The following P4HA2 variants were observed in gnomAD, a reference collection of about 807,000 sequenced individuals.
P4HA2 encodes the protein prolyl 4-hydroxylase subunit alpha 2.
In P4HA2, 46 loss-of-function variants were observed where a neutral mutation model predicts 76.9. The ratio of observed to expected loss-of-function variants is 0.60; its 90% confidence interval spans 0.47 to 0.76. The LOEUF (loss-of-function observed/expected upper bound fraction) is 0.76. Among genes scored for constraint, P4HA2 ranks in the 30% least tolerant of loss-of-function variants. The probability of loss-of-function intolerance (pLI) is 0.00; values close to 1 mark genes in which losing one functional copy is unlikely to be tolerated. For missense variants in P4HA2, 583 were observed against 669.4 expected, an observed-to-expected ratio of 0.87 and a Z score of 1.42; for synonymous variants, 243 against 254.0, an observed-to-expected ratio of 0.96 and a Z score of 0.41.
Position 132,209,144 on chromosome 5 carries a change from G to T in P4HA2, c.897C>A (p.Val299=). 6.2e-7 allele frequency: 1 copy of T among 1,611,946 alleles called. No homozygotes were observed. The highest frequency in any genetic ancestry group is 8.5e-7 in the Non-Finnish European group (1 of 1,178,948). The change falls in exon 7 of 15, where the codon GTC becomes GTA. Residue 299 remains valine, a synonymous_variant. Coordinates refer to ENST00000360568, the MANE Select transcript of P4HA2 (RefSeq NM_001017974.2). ...GCCCCCTCACACATCTCACCAGTTT[G>T]ACACCCTCCCCACGACAGAGGCTCT... ...VYESLCRGEG[V]KLTPRRQKRL...
chr5:132,211,088 C>T (rs1303973390), intron 5 of P4HA2, among the ~76,000 whole-genome samples: 5 of 151,968 alleles, frequency 3.3e-5, no homozygotes, highest in South Asian at 2.1e-4. Flanking sequence ...ACAGAGGGAG[C>T]GGGAGTGGTG....
chr5:132,191,506 C>T lies in P4HA2; in HGVS notation c.*1504G>A, dbSNP rs1395093270. Among the ~76,000 whole-genome samples, 4 of 129,360 alleles carry T rather than the reference C, an allele frequency of 3.1e-5. No individual in the cohort carries two copies. The highest frequency in any genetic ancestry group is 4.7e-5 in the Non-Finnish European group (3 of 63,810). The allele number at this position is 129,360 out of a possible 152,430, so 84.9% of individuals were successfully genotyped here. Reference sequence around the variant, plus strand: ...CAGCCTGGGCGACAGAGCGAGACTCCGTCTCAAAAAAAAAAAAAAAAAAAA... The same window carrying T: ...CAGCCTGGGCGACAGAGCGAGACTCTGTCTCAAAAAAAAAAAAAAAAAAAA... On this transcript the variant is annotated 3_prime_UTR_variant, in exon 15 of 15. Coordinates refer to ENST00000360568, the MANE Select transcript of P4HA2 (RefSeq NM_001017974.2).
Position 132,191,877 on chromosome 5 carries a change from T to G in P4HA2, c.*1133A>C, listed in dbSNP as rs1234949005. ...GTGTTTATCAGCAGCATGCTGCCTGTATTATGGTACAGTCCTACAATAAGC... is the reference window on the plus strand; with the variant it reads ...GTGTTTATCAGCAGCATGCTGCCTGGATTATGGTACAGTCCTACAATAAGC... On this transcript the variant is annotated 3_prime_UTR_variant, in exon 15 of 15. Transcript: ENST00000360568. The G allele has an allele frequency of 2.0e-5, 3 of 152,236 alleles. No homozygotes were observed. The highest frequency in any genetic ancestry group is 7.2e-5 in the African/African-American group (3 of 41,460). 9.4% of individuals were successfully genotyped at this position (152,236 alleles called of 1,614,324 possible).
intron 5 of P4HA2, 90 bp downstream of exon 5, chr5:132,213,826 G>T: frequency 1.5e-6 from 2 of 1,310,354 alleles, no homozygotes; most frequent in East Asian, 2.3e-5. Flanking sequence ...TGCACCCGAG[G>T]TTAAAGGCCA....
intron 10 of P4HA2, 122 bp from the exon 11 acceptor site, chr5:132,199,054 C>T (rs1019159510): frequency 1.7e-5 from 12 of 696,760 alleles, no homozygotes; most frequent in Non-Finnish European, 2.3e-5. Context: ...AGCAGCCTCT[C>T]TAAGGTGGAA....
chr5:132,203,798 G>C lies in P4HA2; in HGVS notation c.1201C>G (p.Arg401Gly), dbSNP rs202073046. ...GTTAACCCTGTGATATGCTGCATCC[G>C]ACGATTTACTCGGGCCACAACAGGG... ...DDPVVARVNR[R>G]MQHITGLTVK... Residue 401 changes from arginine to glycine, a missense_variant, in exon 10 of 15, where the codon CGG becomes GGG. Transcript: ENST00000360568. 1 of 1,613,774 alleles carries C rather than the reference G, an allele frequency of 6.2e-7. No homozygotes were observed. The highest frequency in any genetic ancestry group is 2.2e-5 in the East Asian group (1 of 44,884).
At chr5:132,202,257 G>C (rs1751599195) in intron 10 of P4HA2, 1 of 152,124 alleles carries the variant, frequency 6.6e-6, no homozygotes, top group African/African-American at 2.4e-5. Context: ...AAGGTAATCA[G>C]TATGCTTTTT....
chr5:132,204,004 C>A, intron 9 of P4HA2, 78 bp downstream of exon 9: 1 of 1,306,564 alleles, frequency 7.7e-7, no homozygotes, highest in South Asian at 1.2e-5. Flanking sequence ...AAAAGGCAAG[C>A]CACCCATCCC....
Position 132,198,388 on chromosome 5 carries a change from A to G in P4HA2, c.1306-8T>C. 1 of 1,612,796 alleles carries G rather than the reference A, an allele frequency of 6.2e-7. No individual in the cohort carries two copies. Among genetic ancestry groups the G allele is most frequent in the Non-Finnish European group, 8.5e-7 (1 of 1,179,934 alleles). ...GCCGCTGTCAAAAGGTCGCTGCAAC[A>G]GACAACAACTTTCACCCAAGTTTAC... On this transcript the variant is annotated splice_polypyrimidine_tract_variant and splice_region_variant and intron_variant, in intron 11 of 14. Transcript: ENST00000360568.
chr5:132,197,604 T>A, intron 12 of P4HA2, among the ~76,000 whole-genome samples: 1 of 96,418 alleles, frequency 1.0e-5, no homozygotes, highest in South Asian at 3.3e-4. Flanking sequence ...CAAGACTCCA[T>A]CTCCAAAAAA....
At chr5:132,224,868 C>A (rs1443637504) in intron 1 of P4HA2, among the ~76,000 whole-genome samples, 1 of 152,086 alleles carries the variant, frequency 6.6e-6, no homozygotes. Context: ...TAAGCAAGCA[C>A]TTCCTGAAAG....
At position 132,192,939 on chromosome 5, in the gene P4HA2, G is replaced by A. The variant is rs1361910706; in HGVS notation, c.*71C>T. 5 of 978,196 alleles carry A rather than the reference G, an allele frequency of 5.1e-6. No homozygotes were observed. In the East Asian group the frequency reaches 1.2e-4, roughly 23 times the overall value. 60.6% of individuals were successfully genotyped at this position (978,196 alleles called of 1,614,324 possible). On this transcript the variant is annotated 3_prime_UTR_variant, in exon 15 of 15. Coordinates refer to ENST00000360568, the MANE Select transcript of P4HA2 (RefSeq NM_001017974.2). ...AATCAGCCTGATAGGAACATACAAA[G>A]GAACATACAAAGGTGTCTGTCACGT...
intron 4 of P4HA2, among the ~76,000 whole-genome samples, chr5:132,216,978 C>T (rs1282068476): frequency 2.0e-5 from 3 of 152,046 alleles, no homozygotes; most frequent in African/African-American, 7.3e-5. Context: ...AAAAAAGACG[C>T]TAAAAAAAGA....
At chr5:132,203,981 G>A (rs1187196869) in intron 9 of P4HA2, 101 bp downstream of exon 9, 1 of 1,170,214 alleles carries the variant, frequency 8.5e-7, no homozygotes, top group Non-Finnish European at 1.3e-6. Context: ...GTGAGGAGGT[G>A]CCAGCAGGCA....
chr5:132,208,996 G>T, intron 7 of P4HA2, 142 bp downstream of exon 7: 1 of 654,162 alleles, frequency 1.5e-6, no homozygotes, highest in Non-Finnish European at 2.7e-6. Context: ...CCACATGTCA[G>T]CCTCAGGAGA....
In P4HA2 at chr5:132,190,660, T is replaced by C. The variant is rs962211177; in HGVS notation, c.*2350A>G. ...GAAACATCCTCATGATCTTGGGGTA[T>C]AGAAGGATTTCTCAAATAAGACATA... is the stretch of plus-strand genomic sequence containing the variant. On this transcript the variant is annotated 3_prime_UTR_variant, in exon 15 of 15. Coordinates refer to ENST00000360568, the MANE Select transcript of P4HA2 (RefSeq NM_001017974.2). Among the ~76,000 whole-genome samples the C allele has an allele frequency of 1.3e-5, 2 of 152,148 alleles. No homozygotes were observed. Among genetic ancestry groups the C allele is most frequent in the Non-Finnish European group, 2.9e-5 (2 of 68,034 alleles).
At chr5:132,212,925 A>C (rs954316039) in intron 5 of P4HA2, among the ~76,000 whole-genome samples, 3 of 152,114 alleles carry the variant, frequency 2.0e-5, no homozygotes, top group African/African-American at 7.2e-5. Context: ...TCTCTAATGG[A>C]GTCTAAAGGG....
chr5:132,215,848 T>C (rs1580728859), intron 4 of P4HA2, among the ~76,000 whole-genome samples: 2 of 62,524 alleles, frequency 3.2e-5, no homozygotes, highest in East Asian at 4.0e-4. Flanking sequence ...ACCCTGTCCC[T>C]TTAAAAAAAA....
chr5:132,224,163 C>A (rs1429320099), intron 1 of P4HA2, among the ~76,000 whole-genome samples: 3 of 152,228 alleles, frequency 2.0e-5, no homozygotes, highest in Non-Finnish European at 4.4e-5. Context: ...AAATAACCAG[C>A]CAGTCCAGCT....
Sources: gnomAD v4.1 joint callset for allele counts (sites outside exome capture counted in the v4.1 genomes callset) on GRCh38, gnomAD v4.1.1 for gene constraint, MANE v1.5 for transcripts, NCBI Gene and HGNC (gene_info 2026-07-23, HGNC 2026-07-21) for gene names.